ATF7: variants seen among roughly 807,000 people sequenced by gnomAD.
ATF7 encodes the protein cyclic AMP-dependent transcription factor ATF-7.
A neutral mutation model predicts 50.4 loss-of-function variants in ATF7; 10 were observed. The ratio of observed to expected loss-of-function variants is 0.20; its 90% confidence interval spans 0.12 to 0.34. The LOEUF (loss-of-function observed/expected upper bound fraction) is 0.34. ATF7 is among the 10% of genes least tolerant of loss of function. ATF7 has a pLI of 1.00. For synonymous variants in ATF7, 201 were observed against 226.4 expected, an observed-to-expected ratio of 0.89 and a Z score of 1.01; for missense variants, 465 against 613.9, an observed-to-expected ratio of 0.76 and a Z score of 2.56.
chr12:53,552,620 G>A lies in ATF7; in HGVS notation c.66C>T (p.Asp22=), dbSNP rs1159647692. Residue 22 remains aspartate (D), a synonymous_variant, in exon 3 of 12, where the codon GAC becomes GAT. Coordinates refer to ENST00000420353, the MANE Select transcript of ATF7 (RefSeq NM_006856.3). ...PGCGQRFTNE[D]HLAVHKHKHE... Reference sequence around the variant, plus strand: ...GCTTGTGTTTATGAACTGCCAGGTGGTCCTCGTTTGTAAATCTCTGAAACG... The same window carrying A: ...GCTTGTGTTTATGAACTGCCAGGTGATCCTCGTTTGTAAATCTCTGAAACG... 6.2e-6 allele frequency: 10 copies of A among 1,613,638 alleles called. No homozygotes were observed. The African/African-American group carries it at 1.3e-4, about 22-fold the overall frequency.
chr12:53,611,882 C>T (rs1478122077), intron 1 of ATF7, among the ~76,000 whole-genome samples: 1 of 152,082 alleles, frequency 6.6e-6, no homozygotes, highest in Non-Finnish European at 1.5e-5. Flanking sequence ...ACATGAGCCA[C>T]CACTTTCAGC....
At chr12:53,588,708 A>T (rs959640524) in intron 2 of ATF7, among the ~76,000 whole-genome samples, 4 of 152,204 alleles carry the variant, frequency 2.6e-5, no homozygotes, top group Non-Finnish European at 4.4e-5. Context: ...GAGGATGCTG[A>T]AGCCTTGATT....
At chr12:53,563,912 T>C (rs1294324260) in intron 2 of ATF7, among the ~76,000 whole-genome samples, 1 of 152,232 alleles carries the variant, frequency 6.6e-6, no homozygotes, top group Non-Finnish European at 1.5e-5. Flanking sequence ...TCCTCTTGCC[T>C]ACTTTTTTTG....
chr12:53,605,782 G>A (rs1434741344), intron 1 of ATF7, among the ~76,000 whole-genome samples: 1 of 152,130 alleles, frequency 6.6e-6, no homozygotes, highest in Non-Finnish European at 1.5e-5. Context: ...AAGAGGTATG[G>A]GGTAGAATAT....
At chr12:53,552,519 T>C (rs1331298376) in intron 3 of ATF7, 22 bp downstream of exon 3, 2 of 1,593,384 alleles carry the variant, frequency 1.3e-6, no homozygotes, top group East Asian at 4.5e-5. Flanking sequence ...TCAAGGCACG[T>C]GGCTTTTGGG....
chr12:53,570,736 CGTGT>C (rs57842916), intron 2 of ATF7, among the ~76,000 whole-genome samples: 5,248 of 143,438 alleles, frequency 0.037, 91 homozygotes, highest in African/African-American at 0.043. Context: ...CTCCTGTGTG[CGTGT>C]GTGTGTGTGT....
At chr12:53,541,230 T>G (rs1366066403) in intron 4 of ATF7, among the ~76,000 whole-genome samples, 2 of 152,158 alleles carry the variant, frequency 1.3e-5, no homozygotes, top group Admixed American at 1.3e-4. Context: ...TGGAAATTTT[T>G]TCTTAAATAT....
chr12:53,618,737 G>C (rs947860072), intron 1 of ATF7, among the ~76,000 whole-genome samples: 6 of 152,024 alleles, frequency 3.9e-5, no homozygotes, highest in African/African-American at 1.2e-4. Flanking sequence ...AGTTGGTATA[G>C]GTTTTTATTC....
intron 2 of ATF7, among the ~76,000 whole-genome samples, chr12:53,585,990 T>G (rs973353379): frequency 3.9e-5 from 6 of 152,214 alleles, no homozygotes; most frequent in African/African-American, 1.4e-4. Context: ...CAGCTATGTA[T>G]GTGAATACAA....
chr12:53,529,743 A>G (rs1467841622), intron 9 of ATF7, among the ~76,000 whole-genome samples: 1 of 148,542 alleles, frequency 6.7e-6, no homozygotes, highest in African/African-American at 2.5e-5. Context: ...ACATATATAT[A>G]TGTTTTTTTT....
At chr12:53,589,123 C>T (rs1435891905) in intron 2 of ATF7, among the ~76,000 whole-genome samples, 1 of 151,978 alleles carries the variant, frequency 6.6e-6, no homozygotes, top group East Asian at 1.9e-4. Context: ...TACTGATGTG[C>T]GTATGGAAAA....
At chr12:53,549,743 G>A (rs1454090080) in intron 3 of ATF7, among the ~76,000 whole-genome samples, 2 of 152,006 alleles carry the variant, frequency 1.3e-5, no homozygotes, top group Non-Finnish European at 1.5e-5. Context: ...TCGCCACCAC[G>A]CCTGGCTAAT....
intron 4 of ATF7, among the ~76,000 whole-genome samples, chr12:53,542,385 C>T (rs1592827992): frequency 6.6e-6 from 1 of 151,568 alleles, no homozygotes; most frequent in African/African-American, 2.4e-5. Context: ...TGAGATCGTG[C>T]CACTGCACTC....
chr12:53,600,818 C>T, intron 2 of ATF7, 135 bp downstream of exon 2: 1 of 807,778 alleles, frequency 1.2e-6, no homozygotes. Context: ...CTTGGATTTA[C>T]ACACTGCAAA....
Position 53,553,688 on chromosome 12 carries a change from C to T in ATF7, c.49-1051G>A, listed in dbSNP as rs576299208. Reference sequence around the variant, plus strand: ...ACATGACTGCAACACAGTAACAGCCCGGATGCTGCAGTTTTCCACAGCTCC... The same window carrying T: ...ACATGACTGCAACACAGTAACAGCCTGGATGCTGCAGTTTTCCACAGCTCC... On this transcript the variant is annotated intron_variant, in intron 2 of 11. Transcript: ENST00000420353. 1.2e-3 allele frequency among the ~76,000 whole-genome samples: 176 copies of T among 152,222 alleles called. 1 individual carries two copies. The highest frequency in any genetic ancestry group is 3.4e-3 in the Middle Eastern group (1 of 294).
At chr12:53,510,334 C>T (rs946237190), downstream of ATF7, among the ~76,000 whole-genome samples, 2 of 152,212 alleles carry the variant, frequency 1.3e-5, no homozygotes, top group South Asian at 2.1e-4. Flanking sequence ...CCATTGCACC[C>T]GGCCAGTTTA....
intron 1 of ATF7, among the ~76,000 whole-genome samples, chr12:53,619,486 C>CA (rs112474373): frequency 0.25 from 16,103 of 63,536 alleles, 1,398 homozygotes; most frequent in East Asian, 0.39. Flanking sequence ...GACTCCGTGT[C>CA]AAAAAAAAAA....
intron 2 of ATF7, among the ~76,000 whole-genome samples, chr12:53,568,974 T>G (rs1592893285): frequency 6.6e-6 from 1 of 151,662 alleles, no homozygotes; most frequent in Non-Finnish European, 1.5e-5. Flanking sequence ...CTGGGCAATA[T>G]ATATTGAAAT....
chr12:53,526,559 G>C (rs1320895847), intron 9 of ATF7, among the ~76,000 whole-genome samples: 2 of 152,106 alleles, frequency 1.3e-5, no homozygotes, highest in Non-Finnish European at 2.9e-5. Context: ...CTAATACTTT[G>C]GGATGGCTTC....
Sources: gnomAD v4.1 joint callset for allele counts (sites outside exome capture counted in the v4.1 genomes callset) on GRCh38, gnomAD v4.1.1 for gene constraint, MANE v1.5 for transcripts, NCBI Gene and HGNC (gene_info 2026-07-23, HGNC 2026-07-21) for gene names.